UBE2F: variants seen among roughly 807,000 people sequenced by gnomAD.
UBE2F encodes the protein NEDD8-conjugating enzyme UBE2F.
In UBE2F, 5 loss-of-function variants were observed where a neutral mutation model predicts 29.6. That is an observed-to-expected ratio of 0.17 (90% CI 0.09 to 0.36). UBE2F has a LOEUF of 0.36. Ranked by LOEUF, UBE2F falls within the 10% of genes least tolerant of loss-of-function variation. The pLI, the probability that UBE2F is intolerant of heterozygous loss-of-function variation, is 1.00. For missense variants in UBE2F, 141 were observed against 228.5 expected, an observed-to-expected ratio of 0.62 and a Z score of 2.47; for synonymous variants, 66 against 81.8, an observed-to-expected ratio of 0.81 and a Z score of 1.04.
intron 4 of UBE2F, among the ~76,000 whole-genome samples, chr2:238,015,228 G>A (rs936642055): frequency 1.1e-4 from 17 of 152,160 alleles, no homozygotes; most frequent in African/African-American, 4.1e-4. Context: ...TGGAAAACTA[G>A]TGTTCAGAAA....
At chr2:238,030,748 C>G (rs2064555211) in intron 7 of UBE2F, 135 bp downstream of exon 7, 1 of 687,236 alleles carries the variant, frequency 1.5e-6, no homozygotes, top group African/African-American at 1.8e-5. Flanking sequence ...CCTGCCTCCT[C>G]TTCTCCCTGC....
At chr2:237,988,100 T>C (rs1413266486) in intron 3 of UBE2F, 108 bp downstream of exon 3, 1 of 638,388 alleles carries the variant, frequency 1.6e-6, no homozygotes, top group Non-Finnish European at 2.6e-6. Flanking sequence ...TCATGTATGT[T>C]AGGAATGAAT....
chr2:237,967,269 G>T lies in UBE2F; in HGVS notation c.-17+137G>T, dbSNP rs1044020540. 20 of 448,150 alleles carry T rather than the reference G, an allele frequency of 4.5e-5. No individual in the cohort carries two copies. The highest frequency in any genetic ancestry group is 4.7e-5 in the Non-Finnish European group (16 of 341,334). The allele number at this position is 448,150 out of a possible 1,614,324, so 27.8% of individuals were successfully genotyped here. A position where few individuals can be genotyped will look rare whatever the true frequency, so the allele number is the denominator to read the frequency against. Reference sequence around the variant, plus strand: ...GCCGGGTTCCTCACGCCGGGGGCCTGGCGGGCGCGGGCACCCGGACGCGAG... The same window carrying T: ...GCCGGGTTCCTCACGCCGGGGGCCTTGCGGGCGCGGGCACCCGGACGCGAG... On this transcript the variant is annotated intron_variant, in intron 1 of 9. Coordinates refer to ENST00000272930, the MANE Select transcript of UBE2F (RefSeq NM_080678.3). This position sits in a 1 kb window ranked among gnomAD's most constrained non-coding sequence, Gnocchi z 6.3.
In UBE2F at chr2:237,987,973, A is replaced by C; in HGVS notation, c.129A>C (p.Glu43Asp). The C allele has an allele frequency of 6.6e-7, 1 of 1,508,084 alleles. No homozygotes were observed. Among genetic ancestry groups the C allele is most frequent in the Non-Finnish European group, 8.9e-7 (1 of 1,124,180 alleles). 93.4% of individuals were successfully genotyped at this position (1,508,084 alleles called of 1,614,324 possible). ...TCTTTGTTTCTACAGAGGTTGCAGA[A>C]CTTGAAGCTAATTTACCTTGTAAGT... is the stretch of plus-strand genomic sequence containing the variant. ...RDKLLVKEVA[E>D]LEANLPCTCK... is the part of the protein sequence containing the mutation. The change falls in exon 3 of 10, where the codon GAA (glutamate) becomes GAC (aspartate). Residue 43 changes from glutamate (E) to aspartate (D), a missense_variant. Transcript: ENST00000272930.
chr2:237,973,634 T>C (rs1032259526), intron 2 of UBE2F: 1 of 1,289,814 alleles, frequency 7.8e-7, no homozygotes, highest in Non-Finnish European at 1.0e-6. Context: ...TAGGATCTTT[T>C]CCTGTTTTAT....
At position 238,033,402 on chromosome 2, in the gene UBE2F, T is replaced by C. The variant is rs577458048; in HGVS notation, c.444+1148T>C. Among the ~76,000 whole-genome samples the C allele has an allele frequency of 6.6e-5, 10 of 152,316 alleles. No individual in the cohort carries two copies. In the South Asian group the frequency reaches 1.9e-3, roughly 28 times the overall value. On this transcript the variant is annotated intron_variant, in intron 8 of 9. Transcript: ENST00000272930. ...CTTCAGAGATCTGTTTGTGAAAAAA[T>C]AGTTTTTGCTACTTTTGATAAAACC... is the stretch of plus-strand genomic sequence containing the variant.
chr2:238,005,103 T>C (rs2063873178), intron 4 of UBE2F, among the ~76,000 whole-genome samples: 1 of 152,254 alleles, frequency 6.6e-6, no homozygotes, highest in African/African-American at 2.4e-5. Flanking sequence ...AAATTTATTA[T>C]AGCAGCAATG....
At chr2:237,991,596 C>CTTTTTTTTTTTT (rs1364457337) in intron 3 of UBE2F, among the ~76,000 whole-genome samples, 2 of 50,166 alleles carry the variant, frequency 4.0e-5, no homozygotes, top group Non-Finnish European at 3.8e-5. Flanking sequence ...CCTTTCTTTT[C>CTTTTTTTTTTTT]TTTTCTTTCT....
At chr2:238,009,383 A>G (rs959760818) in intron 4 of UBE2F, among the ~76,000 whole-genome samples, 4 of 152,162 alleles carry the variant, frequency 2.6e-5, no homozygotes, top group African/African-American at 9.7e-5. Flanking sequence ...GATTACTTCT[A>G]CGTGTAAATT....
intron 2 of UBE2F, chr2:237,986,139 TTTC>T: frequency 3.0e-6 from 1 of 338,116 alleles, no homozygotes; most frequent in Non-Finnish European, 5.4e-6. Flanking sequence ...TACCTTTTCT[TTTC>T]TTTTTTTTTT....
At chr2:237,986,142 C>CTTTTT (rs66771814) in intron 2 of UBE2F, 8 of 261,070 alleles carry the variant, frequency 3.1e-5, no homozygotes, top group South Asian at 1.4e-4. Context: ...CTTTTCTTTT[C>CTTTTT]TTTTTTTTTT....
chr2:238,033,273 A>G (rs967899625), intron 8 of UBE2F, among the ~76,000 whole-genome samples: 1 of 152,264 alleles, frequency 6.6e-6, no homozygotes, highest in African/African-American at 2.4e-5. Flanking sequence ...AAGAGGCTAA[A>G]TGGACTCAGC....
chr2:237,973,590 T>C (rs2063216006), intron 2 of UBE2F: 1 of 970,344 alleles, frequency 1.0e-6, no homozygotes, highest in Non-Finnish European at 1.4e-6. Flanking sequence ...GTTTCTGCTC[T>C]GTAAAGGGGA....
At chr2:237,991,821 C>T (rs1465337075) in intron 3 of UBE2F, among the ~76,000 whole-genome samples, 2 of 150,740 alleles carry the variant, frequency 1.3e-5, no homozygotes, top group African/African-American at 2.4e-5. Context: ...AGGCGTGAGC[C>T]GCTGCGCCTG....
At chr2:238,037,121 C>T (rs952675582) in intron 9 of UBE2F, among the ~76,000 whole-genome samples, 3 of 152,016 alleles carry the variant, frequency 2.0e-5, no homozygotes, top group Non-Finnish European at 4.4e-5. Context: ...AAATTTTTTT[C>T]CTCTAATGCA....
chr2:238,007,380 C>A (rs1401776836), intron 4 of UBE2F, among the ~76,000 whole-genome samples: 1 of 152,050 alleles, frequency 6.6e-6, no homozygotes, highest in South Asian at 2.1e-4. Flanking sequence ...CCTTGGTCTC[C>A]CAAAGTGCTG....
At chr2:238,002,801 T>A (rs554302394) in intron 4 of UBE2F, among the ~76,000 whole-genome samples, 14 of 151,694 alleles carry the variant, frequency 9.2e-5, no homozygotes, top group African/African-American at 2.7e-4. Flanking sequence ...TTATTTATTT[T>A]TTTTATTTTT....
chr2:237,971,497 G>A (rs2063175711), intron 1 of UBE2F, among the ~76,000 whole-genome samples: 1 of 152,070 alleles, frequency 6.6e-6, no homozygotes, highest in Non-Finnish European at 1.5e-5. Flanking sequence ...TAATTTTTTT[G>A]TATTTTAGTA....
intron 9 of UBE2F, among the ~76,000 whole-genome samples, chr2:238,037,871 A>G (rs2064752524): frequency 6.6e-6 from 1 of 152,182 alleles, no homozygotes; most frequent in South Asian, 2.1e-4. Flanking sequence ...AGCCTCCCAA[A>G]GTGATTACTG....
Sources: allele counts gnomAD v4.1 joint callset (sites outside exome capture counted in the v4.1 genomes callset), GRCh38; gene constraint gnomAD v4.1.1; non-coding constraint Gnocchi (gnomAD v3.1); transcripts MANE v1.5; gene names NCBI Gene and HGNC (gene_info 2026-07-23, HGNC 2026-07-21).